ERICH6B: variants seen among roughly 807,000 people sequenced by gnomAD.
The protein encoded by ERICH6B is glutamate-rich protein 6B.
Under a neutral mutation model 80.0 loss-of-function variants are expected in ERICH6B, and 69 were observed. The ratio of observed to expected loss-of-function variants is 0.86; its 90% CI spans 0.71 to 1.05. The LOEUF is 1.05. Among genes scored for constraint, ERICH6B ranks in the 50% least tolerant of loss-of-function variants. The pLI is 0.00. For missense variants in ERICH6B, 754 were observed against 796.1 expected, an observed-to-expected ratio of 0.95 and a Z score of 0.64; for synonymous variants, 283 against 291.9, an observed-to-expected ratio of 0.97 and a Z score of 0.31.
At chr13:45,591,936 T>G (rs1876172833) in intron 3 of ERICH6B, among the ~76,000 whole-genome samples, 1 of 152,178 alleles carries the variant, frequency 6.6e-6, no homozygotes, top group South Asian at 2.1e-4. Context: ...GTCACTTTTC[T>G]AAAATTAAAA....
At chr13:45,591,371 C>A (rs4539498) in intron 3 of ERICH6B, among the ~76,000 whole-genome samples, 2 of 152,102 alleles carry the variant, frequency 1.3e-5, no homozygotes, top group Admixed American at 1.3e-4. Flanking sequence ...CTGAGGCGGG[C>A]GGATCACAAG....
chr13:45,567,008 C>T (rs1318144954), intron 9 of ERICH6B, among the ~76,000 whole-genome samples: 1 of 152,270 alleles, frequency 6.6e-6, no homozygotes, highest in East Asian at 1.9e-4. Context: ...CTTGCATTAG[C>T]ATGACCTGGA....
intron 7 of ERICH6B, among the ~76,000 whole-genome samples, chr13:45,578,573 A>C (rs1196442747): frequency 1.3e-5 from 2 of 152,232 alleles, no homozygotes; most frequent in African/African-American, 4.8e-5. Context: ...CCACTGATTG[A>C]CAAGCACACA....
chr13:45,549,779 T>C, intron 13 of ERICH6B, 114 bp downstream of exon 13: 2 of 1,219,828 alleles, frequency 1.6e-6, no homozygotes, highest in Non-Finnish European at 2.2e-6. Context: ...ATTCTCCCAT[T>C]TCCAACATGT....
At chr13:45,579,256 G>A (rs1875554612) in intron 7 of ERICH6B, among the ~76,000 whole-genome samples, 1 of 152,172 alleles carries the variant, frequency 6.6e-6, no homozygotes, top group African/African-American at 2.4e-5. Flanking sequence ...GTTTACAAGA[G>A]TTTATTTGAT....
chr13:45,594,922 T>C (rs954584860), intron 3 of ERICH6B, among the ~76,000 whole-genome samples: 1 of 152,210 alleles, frequency 6.6e-6, no homozygotes, highest in Non-Finnish European at 1.5e-5. Context: ...GAGAAGACAC[T>C]GCAGGGGCAT....
intron 3 of ERICH6B, among the ~76,000 whole-genome samples, chr13:45,591,177 A>G (rs1049085800): frequency 1.3e-5 from 2 of 152,264 alleles, no homozygotes; most frequent in African/African-American, 4.8e-5. Flanking sequence ...CAAAATGGCA[A>G]CAGGGGAAGC....
intron 1 of ERICH6B, among the ~76,000 whole-genome samples, chr13:45,608,313 G>A (rs76805998): frequency 1.5e-4 from 23 of 152,314 alleles, no homozygotes; most frequent in African/African-American, 5.5e-4. Context: ...CCTTATTGGA[G>A]ATGGCATTTG....
chr13:45,573,101 A>C (rs535978769), intron 8 of ERICH6B, among the ~76,000 whole-genome samples: 1 of 152,048 alleles, frequency 6.6e-6, no homozygotes, highest in African/African-American at 2.4e-5. Context: ...TTTATTCTTT[A>C]CATACACTTG....
chr13:45,590,893 G>A (rs986368071), intron 3 of ERICH6B, among the ~76,000 whole-genome samples, 196 bp from the exon 4 acceptor site: 5 of 152,136 alleles, frequency 3.3e-5, no homozygotes, highest in African/African-American at 1.2e-4. Flanking sequence ...GAGAACTCAA[G>A]AAGATACTTT....
intron 1 of ERICH6B, among the ~76,000 whole-genome samples, chr13:45,607,904 A>C (rs1175036314): frequency 6.6e-6 from 1 of 152,208 alleles, no homozygotes; most frequent in Non-Finnish European, 1.5e-5. Flanking sequence ...CACTGCAGAG[A>C]ACTCACAGGG....
At chr13:45,612,949 G>A (rs1424968965) in intron 1 of ERICH6B, among the ~76,000 whole-genome samples, 1 of 152,266 alleles carries the variant, frequency 6.6e-6, no homozygotes, top group East Asian at 1.9e-4. Context: ...TCACGTAGAG[G>A]CCATCCTCAA....
At chr13:45,586,266 G>T (rs1875896025) in intron 5 of ERICH6B, among the ~76,000 whole-genome samples, 1 of 152,048 alleles carries the variant, frequency 6.6e-6, no homozygotes. Flanking sequence ...AACCACATTG[G>T]AGCTACAAAA....
chr13:45,542,798 GC>G (rs1231584933), intron 14 of ERICH6B, among the ~76,000 whole-genome samples: 2 of 152,330 alleles, frequency 1.3e-5, no homozygotes, highest in Non-Finnish European at 2.9e-5. Flanking sequence ...AAAATAGGAG[GC>G]CTTCCCAGGC....
intron 11 of ERICH6B, among the ~76,000 whole-genome samples, chr13:45,556,548 C>T (rs921017786): frequency 6.6e-6 from 1 of 152,118 alleles, no homozygotes; most frequent in African/African-American, 2.4e-5. Flanking sequence ...TCCATCACCC[C>T]CTTCCTACCC....
intron 10 of ERICH6B, among the ~76,000 whole-genome samples, chr13:45,563,201 C>T (rs1874763877): frequency 6.6e-6 from 1 of 152,148 alleles, no homozygotes; most frequent in African/African-American, 2.4e-5. Flanking sequence ...CATTAATATT[C>T]CTTTCCTGGA....
chr13:45,547,000 T>A (rs563177205), intron 13 of ERICH6B, among the ~76,000 whole-genome samples: 75 of 152,322 alleles, frequency 4.9e-4, no homozygotes, highest in African/African-American at 1.8e-3. Flanking sequence ...ATATACATAC[T>A]GAAATTATAA....
intron 4 of ERICH6B, among the ~76,000 whole-genome samples, chr13:45,590,234 G>C (rs1444679677): frequency 6.6e-6 from 1 of 151,646 alleles, no homozygotes; most frequent in East Asian, 1.9e-4. Flanking sequence ...AGATTTTAAT[G>C]AGTATTCACT....
At chr13:45,547,532 T>G (rs1874040582) in intron 13 of ERICH6B, among the ~76,000 whole-genome samples, 1 of 152,182 alleles carries the variant, frequency 6.6e-6, no homozygotes, top group African/African-American at 2.4e-5. Context: ...AGACTTAAAC[T>G]AATGCTAAAA....
Sources: allele counts gnomAD v4.1 joint callset (sites outside exome capture counted in the v4.1 genomes callset), GRCh38; gene constraint gnomAD v4.1.1; transcripts MANE v1.5; gene names NCBI Gene and HGNC (gene_info 2026-07-23, HGNC 2026-07-21).